Variants in CALD1 observed in about 807,000 individuals in gnomAD.
CALD1 encodes caldesmon 1.
Under a neutral mutation model 99.9 loss-of-function variants are expected in CALD1, and 33 were observed. That is an observed-to-expected ratio of 0.33 (90% confidence interval 0.25 to 0.44). The LOEUF is 0.44. Among genes scored for constraint, CALD1 ranks in the 20% least tolerant of loss-of-function variants. The pLI is 1.00. For synonymous variants in CALD1, 310 were observed against 325.0 expected (o/e 0.95, Z 0.50); for missense variants, 861 against 962.1 (o/e 0.89, Z 1.39).
chr7:134,930,033 T>C (rs1353415327), intron 4 of CALD1, among the ~76,000 whole-genome samples: 2 of 152,150 alleles, frequency 1.3e-5, no homozygotes, highest in African/African-American at 4.8e-5. Flanking sequence ...GGGCATGAAT[T>C]GCAGATGTCT....
chr7:134,942,857 C>CAA (rs1213090292), intron 7 of CALD1, among the ~76,000 whole-genome samples: 1 of 152,102 alleles, frequency 6.6e-6, no homozygotes, highest in African/African-American at 2.4e-5. Flanking sequence ...CAACAAGCTT[C>CAA]AAAGCTCAAA....
At chr7:134,844,252 C>T (rs932688278) in intron 2 of CALD1, 1 of 151,818 alleles carries the variant, frequency 6.6e-6, no homozygotes, top group African/African-American at 2.4e-5. Flanking sequence ...ACAAAACAGT[C>T]CTGGATCAAT....
At chr7:134,792,590 C>T (rs896349990) in intron 1 of CALD1, among the ~76,000 whole-genome samples, 1 of 151,936 alleles carries the variant, frequency 6.6e-6, no homozygotes, top group Non-Finnish European at 1.5e-5. Context: ...CTGAGCCTAG[C>T]CTCCTCTTCT....
intron 3 of CALD1, among the ~76,000 whole-genome samples, chr7:134,870,687 T>C (rs1260393933): frequency 3.4e-5 from 2 of 58,534 alleles, no homozygotes; most frequent in African/African-American, 2.0e-4. Flanking sequence ...TATTTCTTCT[T>C]TCCTTCCTTT....
At chr7:134,878,260 A>C (rs1801439782) in intron 3 of CALD1, among the ~76,000 whole-genome samples, 1 of 152,168 alleles carries the variant, frequency 6.6e-6, no homozygotes, top group South Asian at 2.1e-4. Context: ...GAGGGCAAGA[A>C]GTTTGTCTTT....
intron 2 of CALD1, among the ~76,000 whole-genome samples, chr7:134,864,318 G>C (rs1800701174): frequency 6.9e-6 from 1 of 145,440 alleles, no homozygotes; most frequent in South Asian, 2.2e-4. Context: ...TTGCACTCCA[G>C]CCTGGGTGAC....
At chr7:134,814,210 C>T (rs562945692) in intron 1 of CALD1, among the ~76,000 whole-genome samples, 6 of 152,110 alleles carry the variant, frequency 3.9e-5, no homozygotes, top group South Asian at 4.2e-4. Flanking sequence ...TGGAAGCTGT[C>T]GGAAGAGCTA....
chr7:134,774,495 A>C (rs1286444304), intron 1 of CALD1, among the ~76,000 whole-genome samples: 1 of 152,194 alleles, frequency 6.6e-6, no homozygotes, highest in African/African-American at 2.4e-5. Flanking sequence ...CCAGCACTTC[A>C]AAGAAGAATC....
intron 3 of CALD1, among the ~76,000 whole-genome samples, chr7:134,870,656 A>ATTGTT (rs1332471187): frequency 6.7e-6 from 1 of 150,058 alleles, no homozygotes; most frequent in Non-Finnish European, 1.5e-5. Flanking sequence ...GGGATATTAT[A>ATTGTT]TTGTTTTCTT....
At chr7:134,906,947 T>C (rs6968137) in intron 3 of CALD1, among the ~76,000 whole-genome samples, 2,700 of 152,224 alleles carry the variant, frequency 0.018, 70 homozygotes, top group African/African-American at 0.062. Context: ...AGCCCACAAT[T>C]GTAGTGGTGT....
intron 3 of CALD1, among the ~76,000 whole-genome samples, chr7:134,923,961 G>A (rs1335228106): frequency 6.6e-6 from 1 of 152,144 alleles, no homozygotes. Flanking sequence ...TTTATAAGAA[G>A]ATATAAAGTT....
intron 1 of CALD1, among the ~76,000 whole-genome samples, chr7:134,753,833 C>T (rs993543010): frequency 7.2e-5 from 11 of 152,150 alleles, no homozygotes; most frequent in Admixed American, 4.6e-4. Context: ...CCGGCTGATC[C>T]CTCCCTGGCC....
At chr7:134,906,349 G>A (rs1803386017) in intron 3 of CALD1, among the ~76,000 whole-genome samples, 1 of 152,226 alleles carries the variant, frequency 6.6e-6, no homozygotes, top group Admixed American at 6.5e-5. Flanking sequence ...GGTTGGCCGG[G>A]TGATGGCTAA....
chr7:134,826,389 C>T (rs866472343), intron 1 of CALD1, among the ~76,000 whole-genome samples: 2 of 152,102 alleles, frequency 1.3e-5, no homozygotes, highest in Admixed American at 6.6e-5. Flanking sequence ...CAAATCTTAA[C>T]TCTTTAAGTG....
At position 134,965,371 on chromosome 7, in the gene CALD1, C is replaced by T. The variant is rs753439836; in HGVS notation, c.2361C>T (p.Val787=). ...GGGAAAAGCAATCTGTGGATAAGGT[C>T]ACTTCCCCCACTAAGGTAATCTATT... ...NLWEKQSVDK[V]TSPTKV is the part of the protein sequence containing the mutation. Residue 787 remains valine (V), a synonymous_variant, in exon 14 of 15, where the codon GTC becomes GTT. Coordinates refer to ENST00000361675, the MANE Select transcript of CALD1 (RefSeq NM_033138.4). 24 of 1,514,428 alleles carry T rather than the reference C, an allele frequency of 1.6e-5. No individual in the cohort carries two copies. Among genetic ancestry groups the T allele is most frequent in the Non-Finnish European group, 2.1e-5 (23 of 1,089,070 alleles). 93.8% of individuals were successfully genotyped at this position (1,514,428 alleles called of 1,614,324 possible). A position where few individuals can be genotyped will look rare whatever the true frequency, so the allele number is the denominator to read the frequency against.
intron 3 of CALD1, among the ~76,000 whole-genome samples, chr7:134,913,366 A>G (rs897752898): frequency 2.0e-5 from 3 of 152,262 alleles, no homozygotes; most frequent in African/African-American, 4.8e-5. Flanking sequence ...ATTACAATGC[A>G]TTCAGCCAAG....
At chr7:134,914,689 A>G (rs765814247) in intron 3 of CALD1, among the ~76,000 whole-genome samples, 50 of 152,144 alleles carry the variant, frequency 3.3e-4, no homozygotes, top group Non-Finnish European at 6.0e-4. Context: ...CCGATTCTGC[A>G]ACCTTGCTAT....
At chr7:134,872,374 A>AAC (rs1275702109) in intron 3 of CALD1, among the ~76,000 whole-genome samples, 3 of 125,024 alleles carry the variant, frequency 2.4e-5, no homozygotes, top group African/African-American at 1.0e-4. Context: ...AAAAAAAAAA[A>AAC]AAAAAAAACT....
chr7:134,775,059 T>A (rs1796906483), upstream of CALD1, among the ~76,000 whole-genome samples: 1 of 152,168 alleles, frequency 6.6e-6, no homozygotes, highest in African/African-American at 2.4e-5. Flanking sequence ...TTTTTTCTAA[T>A]CATTTCTGTT....
Sources: allele counts gnomAD v4.1 joint callset (sites outside exome capture counted in the v4.1 genomes callset), GRCh38; gene constraint gnomAD v4.1.1; transcripts MANE v1.5; gene names NCBI Gene and HGNC (gene_info 2026-07-23, HGNC 2026-07-21).